Variants in BICRAL observed in about 807,000 individuals in gnomAD.
BICRAL encodes BRD4-interacting chromatin-remodeling complex-associated protein-like.
Under a neutral mutation model 91.8 loss-of-function variants are expected in BICRAL, and 8 were observed. The ratio of observed to expected loss-of-function variants is 0.09; its 90% CI spans 0.05 to 0.16. The LOEUF (loss-of-function observed/expected upper bound fraction) is 0.16. BICRAL is among the 10% of genes least tolerant of loss of function. BICRAL has a pLI of 1.00. For synonymous variants in BICRAL, 445 were observed against 491.1 expected, an observed-to-expected ratio of 0.91 and a Z score of 1.24; for missense variants, 1,038 against 1,310.9, an observed-to-expected ratio of 0.79 and a Z score of 3.21.
intron 10 of BICRAL, among the ~76,000 whole-genome samples, chr6:42,857,841 G>C (rs1184951160): frequency 8.7e-6 from 1 of 115,508 alleles, no homozygotes; most frequent in Non-Finnish European, 1.6e-5. Context: ...ATGGAGTCTC[G>C]CTCTGTCACC....
chr6:42,867,219 A>C lies in BICRAL; in HGVS notation c.*1773A>C. 1 of 189,452 alleles carries C rather than the reference A, an allele frequency of 5.3e-6. No individual in the cohort carries two copies. 11.7% of individuals were successfully genotyped at this position (189,452 alleles called of 1,614,324 possible). ...GAAAACACAGCAACAGAAGACCTAT[A>C]CCCCGGTGCCCCTGTGTCCCACTAC... On this transcript the variant is annotated 3_prime_UTR_variant, in exon 13 of 13. Transcript: ENST00000314073.
chr6:42,775,190 T>C (rs4711726), intron 1 of BICRAL, among the ~76,000 whole-genome samples: 54,169 of 152,126 alleles, frequency 0.36, 10,089 homozygotes, highest in African/African-American at 0.45. Context: ...CCGCTTCAGC[T>C]TCCCAAAGTG....
At chr6:42,750,249 C>T (rs1285834738) in intron 1 of BICRAL, among the ~76,000 whole-genome samples, 2 of 151,970 alleles carry the variant, frequency 1.3e-5, no homozygotes, top group East Asian at 1.9e-4. Context: ...TAGTCTTGAC[C>T]TCCCAGGCTG....
intron 6 of BICRAL, among the ~76,000 whole-genome samples, chr6:42,841,462 C>T (rs1764795953): frequency 6.6e-6 from 1 of 152,154 alleles, no homozygotes; most frequent in Non-Finnish European, 1.5e-5. Context: ...GCTGGGATTA[C>T]AGGCGTGAGC....
At position 42,767,743 on chromosome 6, in the gene BICRAL, A is replaced by G. The variant is rs1762655221; in HGVS notation, c.-260-14096A>G. 2.6e-5 allele frequency among the ~76,000 whole-genome samples: 4 copies of G among 152,212 alleles called. No homozygotes were observed. The South Asian group carries it at 6.2e-4, about 24-fold the overall frequency. On this transcript the variant is annotated intron_variant, in intron 1 of 14. Coordinates refer to the BICRAL transcript ENST00000614467. ...CAAGTAATTATTAGTCAAGCTGACC[A>G]TACTGTGTGTTATCAAGGAGGAAGG...
chr6:42,759,268 TC>T (rs535977911), intron 1 of BICRAL, among the ~76,000 whole-genome samples: 362 of 152,344 alleles, frequency 2.4e-3, no homozygotes, highest in Non-Finnish European at 4.1e-3. Flanking sequence ...TTCAGCTTAA[TC>T]TTGAAGGCAC....
chr6:42,855,913 G>A lies in BICRAL; in HGVS notation c.2104G>A (p.Ala702Thr). 6.2e-7 allele frequency: 1 copy of A among 1,612,722 alleles called. No homozygotes were observed. Among genetic ancestry groups the A allele is most frequent in the East Asian group, 2.2e-5 (1 of 44,880 alleles). ...RPAAKQLTKG[A>T]FILQQLQRDQ... Reference sequence around the variant, plus strand: ...TGCTGCGAAACAGCTAACGAAAGGAGCTTTGTGAGTTACTCTCGGAAATGA... The same window carrying A: ...TGCTGCGAAACAGCTAACGAAAGGAACTTTGTGAGTTACTCTCGGAAATGA... The change falls in exon 9 of 13, where the codon GCT becomes ACT. Residue 702 changes from alanine to threonine, a missense_variant. By Grantham distance (58) the Ala-to-Thr change is moderately conservative. Transcript: ENST00000314073.
intron 2 of BICRAL, among the ~76,000 whole-genome samples, chr6:42,812,391 A>G (rs1763866188): frequency 6.6e-6 from 1 of 152,064 alleles, no homozygotes; most frequent in Non-Finnish European, 1.5e-5. Flanking sequence ...CCAGGGGTTC[A>G]AGACCACCCT....
At chr6:42,768,881 T>C (rs1762678555) in intron 1 of BICRAL, among the ~76,000 whole-genome samples, 1 of 152,324 alleles carries the variant, frequency 6.6e-6, no homozygotes, top group African/African-American at 2.4e-5. Context: ...ATGGCCCAGG[T>C]TGGGTCAGAT....
chr6:42,770,604 CGG>C (rs1361597168), intron 1 of BICRAL, among the ~76,000 whole-genome samples: 3 of 151,970 alleles, frequency 2.0e-5, no homozygotes, highest in Admixed American at 6.6e-5. Flanking sequence ...TTAGTACAGA[CGG>C]GGTTTCACCA....
At chr6:42,789,916 A>C (rs75257603) in intron 1 of BICRAL, among the ~76,000 whole-genome samples, 2,881 of 152,308 alleles carry the variant, frequency 0.019, 108 homozygotes, top group African/African-American at 0.066. Flanking sequence ...TTGAGCACTC[A>C]GTAAACATTT....
At chr6:42,856,434 G>A (rs1243539527) in intron 9 of BICRAL, among the ~76,000 whole-genome samples, 2 of 142,846 alleles carry the variant, frequency 1.4e-5, no homozygotes, top group Non-Finnish European at 3.0e-5. Flanking sequence ...GAGTGCAGTG[G>A]GACGATCTCG....
intron 6 of BICRAL, among the ~76,000 whole-genome samples, chr6:42,845,562 A>G (rs1325455995): frequency 6.6e-6 from 1 of 151,878 alleles, no homozygotes; most frequent in African/African-American, 2.4e-5. Context: ...GCAAGAATTC[A>G]GGTTCTCTGC....
Position 42,855,139 on chromosome 6 carries a change from C to T in BICRAL, c.2047-717C>T, listed in dbSNP as rs1382179547. Among the ~76,000 whole-genome samples the T allele has an allele frequency of 2.0e-5, 3 of 152,172 alleles. No individual in the cohort carries two copies. The East Asian group carries it at 5.8e-4, about 29-fold the overall frequency. On this transcript the variant is annotated intron_variant, in intron 8 of 12. Transcript: ENST00000314073. ...GTAAAAAATGCCTCGTTAGATCACACACCTGGACTATATATAACAGGAGCT... is the reference window on the plus strand; with the variant it reads ...GTAAAAAATGCCTCGTTAGATCACATACCTGGACTATATATAACAGGAGCT...
chr6:42,790,173 T>G lies in BICRAL; in HGVS notation c.-102+8072T>G, dbSNP rs530125882. Among the ~76,000 whole-genome samples, 5 of 152,150 alleles carry G rather than the reference T, an allele frequency of 3.3e-5. No individual in the cohort carries two copies. In the South Asian group the frequency reaches 1.0e-3, roughly 32 times the overall value. The stretch of plus-strand genomic sequence containing the variant: ...AGCATTGAGTTTCATTTTTTGTTTG[T>G]TTTTGAGACAGGTTCTCACTGTTAC... On this transcript the variant is annotated intron_variant, in intron 1 of 12. Coordinates refer to ENST00000314073, the MANE Select transcript of BICRAL (RefSeq NM_001393499.1).
At chr6:42,756,510 T>A (rs2113825209) in intron 1 of BICRAL, among the ~76,000 whole-genome samples, 1 of 152,290 alleles carries the variant, frequency 6.6e-6, no homozygotes, top group African/African-American at 2.4e-5. Context: ...CTCCTCCCTC[T>A]GCCTCTCTCT....
chr6:42,751,660 T>C (rs369290748), intron 1 of BICRAL, among the ~76,000 whole-genome samples: 1 of 144,220 alleles, frequency 6.9e-6, no homozygotes, highest in Non-Finnish European at 1.5e-5. Flanking sequence ...TTTTCTTTTT[T>C]TTTTTTTTTT....
At chr6:42,778,348 G>T (rs1762831110), upstream of BICRAL, among the ~76,000 whole-genome samples, 1 of 152,172 alleles carries the variant, frequency 6.6e-6, no homozygotes, top group Non-Finnish European at 1.5e-5. Context: ...TCTCCTGTCT[G>T]CCCTTATTAG....
chr6:42,777,327 A>G (rs1371471244), upstream of BICRAL, among the ~76,000 whole-genome samples: 1 of 152,204 alleles, frequency 6.6e-6, no homozygotes, highest in Non-Finnish European at 1.5e-5. Flanking sequence ...TAGATGAGGA[A>G]GTTGAAGCCT....
Sources: gnomAD v4.1 joint callset for allele counts (sites outside exome capture counted in the v4.1 genomes callset) on GRCh38, gnomAD v4.1.1 for gene constraint, MANE v1.5 for transcripts, NCBI Gene and HGNC (gene_info 2026-07-23, HGNC 2026-07-21) for gene names.